Variants in ASIC2 observed in about 807,000 individuals in gnomAD.
ASIC2 encodes the protein acid sensing ion channel subunit 2.
A neutral mutation model predicts 57.3 loss-of-function variants in ASIC2; 25 were observed. That is an observed-to-expected ratio of 0.44 (90% CI 0.32 to 0.61). The LOEUF (loss-of-function observed/expected upper bound fraction) is 0.61. Ranked by LOEUF, ASIC2 falls within the 20% of genes least tolerant of loss-of-function variation. The pLI, the probability that ASIC2 is intolerant of heterozygous loss-of-function variation, is 0.06. For synonymous variants in ASIC2, 319 were observed against 307.5 expected (o/e 1.04, Z -0.39); for missense variants, 641 against 738.1 (o/e 0.87, Z 1.52).
intron 4 of ASIC2, among the ~76,000 whole-genome samples, chr17:33,026,351 T>A (rs2091859333): frequency 6.6e-6 from 1 of 152,208 alleles, no homozygotes; most frequent in African/African-American, 2.4e-5. Flanking sequence ...TGGCTATACA[T>A]CATCTTCTTT....
At chr17:33,225,368 C>T (rs1306663332) in intron 1 of ASIC2, among the ~76,000 whole-genome samples, 1 of 152,184 alleles carries the variant, frequency 6.6e-6, no homozygotes, top group African/African-American at 2.4e-5. Context: ...TCAGTTTTCT[C>T]GTCTGTAAAA....
At chr17:33,535,682 C>A (rs1033167925) in intron 1 of ASIC2, among the ~76,000 whole-genome samples, 2 of 152,118 alleles carry the variant, frequency 1.3e-5, no homozygotes, top group Admixed American at 6.5e-5. Flanking sequence ...ACTTCAGAAG[C>A]CATGTGTGGT....
chr17:33,821,262 T>A (rs1912738683), intron 1 of ASIC2, among the ~76,000 whole-genome samples: 1 of 152,158 alleles, frequency 6.6e-6, no homozygotes, highest in South Asian at 2.1e-4. Context: ...ACCCCTCAAA[T>A]ACCTAGCTTG....
chr17:33,219,383 T>G lies in ASIC2; in HGVS notation c.708+72025A>C, dbSNP rs184443529. On this transcript the variant is annotated intron_variant, in intron 1 of 9. Coordinates refer to ENST00000225823, the MANE Select transcript of ASIC2 (RefSeq NM_183377.2). ...CTGATGAAGTAATACACTTAATGCC[T>G]ATGAGGTAATAAATAACAGCCCCAA... Among the ~76,000 whole-genome samples the G allele has an allele frequency of 2.1e-3, 316 of 152,330 alleles. 1 individual carries two copies. Among genetic ancestry groups the G allele is most frequent in the African/African-American group, 7.1e-3 (296 of 41,574 alleles).
At chr17:33,329,970 G>A (rs1907244782) in intron 1 of ASIC2, among the ~76,000 whole-genome samples, 1 of 152,146 alleles carries the variant, frequency 6.6e-6, no homozygotes, top group African/African-American at 2.4e-5. Flanking sequence ...AGGCATGAAT[G>A]TGCATTCCTA....
Position 33,292,022 on chromosome 17 carries a change from A to ACGCCGCGGGCGCCGGCT in ASIC2, c.77_93dup (p.Leu32SerfsTer36). On this transcript the variant is annotated frameshift_variant, in exon 1 of 10. Coordinates refer to ENST00000225823, the MANE Select transcript of ASIC2 (RefSeq NM_183377.2). LOFTEE classifies it high-confidence loss of function. ...CCCCCGGGCTGCCCGGCAGCCGCCA[A>ACGCCGCGGGCGCCGGCT]CGCCGCGGGCGCCGGCTCCTCGCGG... 3 of 1,186,398 alleles carry ACGCCGCGGGCGCCGGCT rather than the reference A, an allele frequency of 2.5e-6. No individual in the cohort carries two copies. The highest frequency in any genetic ancestry group is 3.1e-6 in the Non-Finnish European group (3 of 964,508). The allele number at this position is 1,186,398 out of a possible 1,614,324, so 73.5% of individuals were successfully genotyped here.
intron 1 of ASIC2, among the ~76,000 whole-genome samples, chr17:34,031,447 C>T (rs1484165756): frequency 6.6e-6 from 1 of 152,150 alleles, no homozygotes; most frequent in Non-Finnish European, 1.5e-5. Flanking sequence ...CTGTAAAAAT[C>T]AGAGCGCCTC....
rs542158999 is a variant in ASIC2 at position 33,260,218 on chromosome 17, C to T, written c.708+31190G>A. Among the ~76,000 whole-genome samples, 40 of 152,352 alleles carry T rather than the reference C, an allele frequency of 2.6e-4. 1 individual carries two copies. The South Asian group carries it at 8.1e-3, about 31-fold the overall frequency. ...GGCAGATCTGTGGATAAAGCCTGGC[C>T]TCCTGGCCCCTGAATCCAGGACTCT... On this transcript the variant is annotated intron_variant, in intron 1 of 9. Coordinates refer to ENST00000225823, the MANE Select transcript of ASIC2 (RefSeq NM_183377.2).
At chr17:33,335,933 C>T (rs888852126) in intron 1 of ASIC2, among the ~76,000 whole-genome samples, 4 of 152,188 alleles carry the variant, frequency 2.6e-5, no homozygotes, top group African/African-American at 9.7e-5. Context: ...GATTAAGCAG[C>T]AGAATCTCCT....
chr17:33,915,513 A>G (rs1045070917), intron 1 of ASIC2, among the ~76,000 whole-genome samples: 5 of 152,188 alleles, frequency 3.3e-5, no homozygotes. Flanking sequence ...ATCCCATTTA[A>G]GATGACTTTT....
At chr17:34,001,715 C>T (rs1423734463) in intron 1 of ASIC2, 1 of 152,240 alleles carries the variant, frequency 6.6e-6, no homozygotes, top group African/African-American at 2.4e-5. Context: ...GATGTATTGC[C>T]TGGGCTTAGG....
chr17:34,094,433 T>C (rs1223205990), intron 1 of ASIC2, among the ~76,000 whole-genome samples: 3 of 152,188 alleles, frequency 2.0e-5, no homozygotes, highest in African/African-American at 7.2e-5. Context: ...AGCAGGCACA[T>C]CTAACTGCTG....
At chr17:33,171,002 A>G (rs1268630506) in intron 1 of ASIC2, among the ~76,000 whole-genome samples, 1 of 152,146 alleles carries the variant, frequency 6.6e-6, no homozygotes, top group Non-Finnish European at 1.5e-5. Context: ...TGTGGGCCTC[A>G]ACAAAGGTAA....
chr17:33,135,130 G>C lies in ASIC2; in HGVS notation c.709-23063C>G, dbSNP rs370648751. On this transcript the variant is annotated intron_variant, in intron 1 of 9. Coordinates refer to ENST00000225823, the MANE Select transcript of ASIC2 (RefSeq NM_183377.2). ...ATGTGGGTTTTCTGACTTCCAGGAT[G>C]AAGTTCATTCCGCTTAGCCCTGCTG... Among the ~76,000 whole-genome samples, 9 of 152,182 alleles carry C rather than the reference G, an allele frequency of 5.9e-5. 1 individual carries two copies. Among genetic ancestry groups the C allele is most frequent in the African/African-American group, 2.2e-4 (9 of 41,526 alleles).
intron 1 of ASIC2, among the ~76,000 whole-genome samples, chr17:33,824,269 C>G (rs1222951812): frequency 3.3e-5 from 5 of 152,116 alleles, no homozygotes. Flanking sequence ...CCGTGTCCTT[C>G]AGTTTGGGGC....
chr17:33,701,069 T>C (rs930749368), intron 1 of ASIC2, among the ~76,000 whole-genome samples: 1 of 152,204 alleles, frequency 6.6e-6, no homozygotes, highest in East Asian at 1.9e-4. Context: ...CAAGCTATCA[T>C]TTTGATGTAC....
chr17:33,902,243 G>A (rs1915245695), intron 1 of ASIC2, among the ~76,000 whole-genome samples: 1 of 152,088 alleles, frequency 6.6e-6, no homozygotes, highest in African/African-American at 2.4e-5. Flanking sequence ...CAATTATTTT[G>A]TAAGCTACCT....
At chr17:33,596,070 G>A (rs761508011) in intron 1 of ASIC2, among the ~76,000 whole-genome samples, 6 of 151,994 alleles carry the variant, frequency 3.9e-5, no homozygotes, top group Non-Finnish European at 4.4e-5. Flanking sequence ...GGCTTTTCTC[G>A]GAACTCCCTC....
intron 1 of ASIC2, among the ~76,000 whole-genome samples, chr17:34,099,645 AAG>A (rs769714974): frequency 1.4e-4 from 21 of 149,210 alleles, no homozygotes; most frequent in African/African-American, 3.3e-4. Flanking sequence ...AAAGAAAGAA[AAG>A]AGAGGAAGGA....
Sources: allele counts gnomAD v4.1 joint callset (sites outside exome capture counted in the v4.1 genomes callset), GRCh38; gene constraint gnomAD v4.1.1; transcripts MANE v1.5; gene names NCBI Gene and HGNC (gene_info 2026-07-23, HGNC 2026-07-21).